The following NRXN1 variants were observed in gnomAD, a reference collection of about 807,000 sequenced individuals.
NRXN1 encodes neurexin 1, also known as neurexin-1.
NRXN1 carries 39 observed loss-of-function variants against 150.9 expected under a neutral mutation model. That is an observed-to-expected ratio of 0.26 (90% CI 0.20 to 0.34). The LOEUF (loss-of-function observed/expected upper bound fraction) is 0.34. Ranked by LOEUF, NRXN1 falls within the 10% of genes least tolerant of loss-of-function variation. NRXN1 has a pLI of 1.00. For missense variants in NRXN1, 1,815 were observed against 1,949.9 expected (o/e 0.93, Z 1.30); for synonymous variants, 924 against 757.0 (o/e 1.22, Z -3.62).
intron 2 of NRXN1, among the ~76,000 whole-genome samples, chr2:50,935,770 GAAA>G (rs372236029): frequency 2.1e-5 from 3 of 141,044 alleles, no homozygotes; most frequent in African/African-American, 5.2e-5. Flanking sequence ...AAAAGCAAAA[GAAA>G]AAAAAAAGTG....
chr2:50,792,979 T>C (rs928660044), intron 5 of NRXN1, among the ~76,000 whole-genome samples: 6 of 152,080 alleles, frequency 3.9e-5, no homozygotes, highest in African/African-American at 1.4e-4. Context: ...TTCACATTAA[T>C]TGATAGTCTA....
At chr2:50,711,148 C>G (rs756471121) in intron 5 of NRXN1, among the ~76,000 whole-genome samples, 4 of 152,080 alleles carry the variant, frequency 2.6e-5, no homozygotes, top group Non-Finnish European at 5.9e-5. Flanking sequence ...AAACACTAGT[C>G]TCTACTGCAA....
chr2:50,122,744 G>A (rs1272396571), intron 18 of NRXN1, among the ~76,000 whole-genome samples: 2 of 152,184 alleles, frequency 1.3e-5, no homozygotes, highest in African/African-American at 2.4e-5. Context: ...AAATGGGAAC[G>A]AGTGTATTCT....
intron 5 of NRXN1, among the ~76,000 whole-genome samples, chr2:50,910,780 T>C (rs1451996742): frequency 2.0e-5 from 3 of 151,940 alleles, no homozygotes; most frequent in African/African-American, 7.2e-5. Context: ...GCGCAATGAC[T>C]GAATATATAC....
intron 5 of NRXN1, among the ~76,000 whole-genome samples, chr2:50,900,809 A>T (rs1051947342): frequency 6.6e-6 from 1 of 152,150 alleles, no homozygotes; most frequent in Non-Finnish European, 1.5e-5. Flanking sequence ...GGCAGGAATG[A>T]TGTAATGCAA....
chr2:50,010,271 G>A (rs940829538), intron 21 of NRXN1, among the ~76,000 whole-genome samples: 3 of 152,012 alleles, frequency 2.0e-5, no homozygotes, highest in African/African-American at 7.2e-5. Context: ...AGATTAGCTG[G>A]GATGGCCGAG....
At chr2:50,124,511 A>G (rs1704301322) in intron 18 of NRXN1, among the ~76,000 whole-genome samples, 1 of 152,116 alleles carries the variant, frequency 6.6e-6, no homozygotes, top group Non-Finnish European at 1.5e-5. Context: ...GAACCATAAA[A>G]TGTTAAAGTA....
intron 18 of NRXN1, among the ~76,000 whole-genome samples, chr2:50,171,160 C>A (rs769242819): frequency 5.7e-4 from 87 of 151,722 alleles, no homozygotes; most frequent in Non-Finnish European, 1.1e-3. Context: ...CTTGCTGTCT[C>A]ATGGGTGGCA....
intron 22 of NRXN1, among the ~76,000 whole-genome samples, chr2:49,941,896 A>T (rs553638229): frequency 7.2e-5 from 11 of 152,314 alleles, no homozygotes; most frequent in Non-Finnish European, 1.5e-4. Context: ...AAGGTTGGGC[A>T]TGTGAGCGTA....
intron 17 of NRXN1, among the ~76,000 whole-genome samples, chr2:50,263,327 G>T (rs1382063930): frequency 6.6e-6 from 1 of 151,898 alleles, no homozygotes; most frequent in Admixed American, 6.6e-5. Context: ...TACTGAAGCA[G>T]TAGAACCAAT....
chr2:50,159,239 C>T (rs1416401874), intron 18 of NRXN1, among the ~76,000 whole-genome samples: 1 of 152,092 alleles, frequency 6.6e-6, no homozygotes, highest in Non-Finnish European at 1.5e-5. Flanking sequence ...AACAGATGCT[C>T]AAAAGTAGCC....
chr2:50,412,307 A>G (rs1366429055), intron 17 of NRXN1, among the ~76,000 whole-genome samples: 15 of 146,906 alleles, frequency 1.0e-4, no homozygotes. Context: ...AGAATGATCA[A>G]TAAATACTAA....
At chr2:49,923,292 T>G (rs1350797766) in intron 22 of NRXN1, among the ~76,000 whole-genome samples, 1 of 152,190 alleles carries the variant, frequency 6.6e-6, no homozygotes, top group African/African-American at 2.4e-5. Context: ...GAAGATTCTA[T>G]CCTACTCTGA....
intron 5 of NRXN1, among the ~76,000 whole-genome samples, chr2:50,674,562 A>G (rs1689297493): frequency 6.6e-6 from 1 of 152,148 alleles, no homozygotes; most frequent in Non-Finnish European, 1.5e-5. Context: ...TTGAGAGGCT[A>G]CTGCGATAGT....
At chr2:50,087,980 T>C (rs1466020613) in intron 19 of NRXN1, among the ~76,000 whole-genome samples, 1 of 152,172 alleles carries the variant, frequency 6.6e-6, no homozygotes, top group African/African-American at 2.4e-5. Context: ...TTATTACCTA[T>C]ATTTTGCAGT....
At chr2:50,392,048 C>G (rs1306052336) in intron 17 of NRXN1, among the ~76,000 whole-genome samples, 1 of 152,122 alleles carries the variant, frequency 6.6e-6, no homozygotes, top group Non-Finnish European at 1.5e-5. Context: ...AAGTTGCCAT[C>G]TATGATAATC....
intron 18 of NRXN1, among the ~76,000 whole-genome samples, chr2:50,158,498 C>T (rs968778243): frequency 2.0e-5 from 3 of 151,942 alleles, no homozygotes; most frequent in Non-Finnish European, 4.4e-5. Flanking sequence ...GGGTTCTGGA[C>T]ATTGTTATCC....
intron 18 of NRXN1, among the ~76,000 whole-genome samples, chr2:50,207,170 A>G (rs1438652207): frequency 2.0e-5 from 3 of 152,124 alleles, no homozygotes; most frequent in African/African-American, 7.2e-5. Flanking sequence ...AGGAGAGGTA[A>G]GACACATTCA....
Position 50,307,548 on chromosome 2 carries a change from A to C in NRXN1, c.3365-70578T>G, listed in dbSNP as rs150069603. On this transcript the variant is annotated intron_variant, in intron 17 of 22. Transcript: ENST00000401669. ...GAAATGGTAATGGATTTAATTGCTT[A>C]TTCTGATATTCATAAAAATCTGAGA... Among the ~76,000 whole-genome samples, 304 of 152,280 alleles carry C rather than the reference A, an allele frequency of 2.0e-3. 1 individual carries two copies. The highest frequency in any genetic ancestry group is 7.1e-3 in the African/African-American group (294 of 41,578).
Sources: allele counts gnomAD v4.1 joint callset (sites outside exome capture counted in the v4.1 genomes callset), GRCh38; gene constraint gnomAD v4.1.1; transcripts MANE v1.5; gene names NCBI Gene and HGNC (gene_info 2026-07-23, HGNC 2026-07-21).